The following CUL9 variants were observed in gnomAD, a reference collection of about 807,000 sequenced individuals.
CUL9 encodes cullin-9.
A neutral mutation model predicts 272.6 loss-of-function variants in CUL9; 79 were observed. The ratio of observed to expected loss-of-function variants is 0.29; its 90% CI spans 0.24 to 0.35. CUL9 has a LOEUF of 0.35. CUL9 is among the 10% of genes least tolerant of loss of function. The pLI is 1.00. For missense variants in CUL9, 2,532 were observed against 3,255.6 expected (o/e 0.78, Z 5.41); for synonymous variants, 1,186 against 1,286.5 (o/e 0.92, Z 1.67).
Position 43,220,351 on chromosome 6 carries a change from T to C in CUL9, c.6283-108T>C. On this transcript the variant is annotated intron_variant, in intron 31 of 40. Transcript: ENST00000252050. The surrounding 1 kb of genome is among the most constrained non-coding windows in gnomAD (Gnocchi z 4.9). ...GCAGGCTTGTTTCTGGCCTTCCACG[T>C]TGTAGTGGAGGGGAAGGGAAGGAGG... The C allele has an allele frequency of 7.9e-7, 1 of 1,269,156 alleles. No homozygotes were observed. The highest frequency in any genetic ancestry group is 1.1e-6 in the Non-Finnish European group (1 of 896,312). The allele number at this position is 1,269,156 out of a possible 1,614,324, so 78.6% of individuals were successfully genotyped here. A position where few individuals can be genotyped will look rare whatever the true frequency, so the allele number is the denominator to read the frequency against.
Position 43,221,250 on chromosome 6 carries a change from C to G in CUL9, c.6681C>G (p.His2227Gln). ...DGMSVEAQSK[H>Q]LAKLISKRCP... The stretch of plus-strand genomic sequence containing the variant: ...TGAGCGTGGAGGCGCAGAGCAAGCA[C>G]CTGGCCAAGCTCATCTCCAAGCGCT... Residue 2227 changes from histidine to glutamine, a missense_variant, in exon 34 of 41, where the codon CAC (histidine) becomes CAG (glutamine). This residue lies in a region of CUL9 where 77 missense variants were observed against 161.1 expected (regional missense o/e 0.48). Coordinates refer to ENST00000252050, the MANE Select transcript of CUL9 (RefSeq NM_015089.4). The surrounding 1 kb of genome is among the most constrained non-coding windows in gnomAD (Gnocchi z 4.2). 1 of 1,611,720 alleles carries G rather than the reference C, an allele frequency of 6.2e-7. No homozygotes were observed. Among genetic ancestry groups the G allele is most frequent in the Non-Finnish European group, 8.5e-7 (1 of 1,179,950 alleles).
Position 43,184,681 on chromosome 6 carries a change from G to T in CUL9, c.371G>T (p.Arg124Leu), listed in dbSNP as rs752791502. The T allele has an allele frequency of 1.9e-6, 3 of 1,612,584 alleles. No individual in the cohort carries two copies. Among genetic ancestry groups the T allele is most frequent in the East Asian group, 4.5e-5 (2 of 44,836 alleles). The change falls in exon 2 of 41, where the codon CGC becomes CTC. Residue 124 changes from arginine to leucine, a missense_variant. Physicochemically the swap from Arg to Leu is moderately radical, Grantham distance 102. This residue lies in a region of CUL9 where 2,218 missense variants were observed against 2,788.6 expected (regional missense o/e 0.80). Coordinates refer to ENST00000252050, the MANE Select transcript of CUL9 (RefSeq NM_015089.4). This position sits in a 1 kb window ranked among gnomAD's most constrained non-coding sequence, Gnocchi z 4.8. ...EMEADVQALV[R>L]RAARQLAESG... is the part of the protein sequence containing the mutation. Reference sequence around the variant, plus strand: ...GAGGCTGATGTTCAGGCGCTGGTACGCAGGGCGGCCAGGCAGCTGGCAGAA... The same window carrying T: ...GAGGCTGATGTTCAGGCGCTGGTACTCAGGGCGGCCAGGCAGCTGGCAGAA...
rs1774806094 is a variant in CUL9 at position 43,203,588 on chromosome 6, C to T, written c.4021C>T (p.Pro1341Ser). ...EDHRRLLQLC[P>S]RLNRVLRHEQ... is the part of the protein sequence containing the mutation. ...CCACCGGCGCCTCCTCCAGCTCTGTCCCAGGTGGGTGGGGCCTGAGGAGGG... is the reference window on the plus strand; with the variant it reads ...CCACCGGCGCCTCCTCCAGCTCTGTTCCAGGTGGGTGGGGCCTGAGGAGGG... Residue 1341 changes from proline to serine, a missense_variant, in exon 19 of 41, where the codon CCC (proline) becomes TCC (serine). By Grantham distance (74) the Pro-to-Ser change is moderately conservative (BLOSUM62 -1). Coordinates refer to ENST00000252050, the MANE Select transcript of CUL9 (RefSeq NM_015089.4). The surrounding 1 kb of genome is among the most constrained non-coding windows in gnomAD (Gnocchi z 5.0). 3 of 1,612,778 alleles carry T rather than the reference C, an allele frequency of 1.9e-6. No individual in the cohort carries two copies. The highest frequency in any genetic ancestry group is 2.5e-6 in the Non-Finnish European group (3 of 1,179,770).
chr6:43,223,981 G>C lies in CUL9; in HGVS notation c.7285-114G>C. ...TGTTTCATGAAGTGCTGTGCTGGGA[G>C]GGGAGCAGTCCTAGCAGGAGCTTGG... On this transcript the variant is annotated intron_variant, in intron 39 of 40. Coordinates refer to ENST00000252050, the MANE Select transcript of CUL9 (RefSeq NM_015089.4). The surrounding 1 kb of genome is among the most constrained non-coding windows in gnomAD (Gnocchi z 4.1). 1.0e-6 allele frequency: 1 copy of C among 955,654 alleles called. No individual in the cohort carries two copies. The highest frequency in any genetic ancestry group is 1.7e-6 in the Non-Finnish European group (1 of 586,960). 59.2% of individuals were successfully genotyped at this position (955,654 alleles called of 1,614,324 possible).
Position 43,184,319 on chromosome 6 carries a change from G to A in CUL9, c.9G>A (p.Gly3=). 5 of 1,517,318 alleles carry A rather than the reference G, an allele frequency of 3.3e-6. No individual in the cohort carries two copies. Among genetic ancestry groups the A allele is most frequent in the Non-Finnish European group, 3.5e-6 (4 of 1,128,326 alleles). 94.0% of individuals were successfully genotyped at this position (1,517,318 alleles called of 1,614,324 possible). A position where few individuals can be genotyped will look rare whatever the true frequency, so the allele number is the denominator to read the frequency against. The change falls in exon 2 of 41, where the codon GGG becomes GGA. Residue 3 remains glycine (G), a synonymous_variant. Coordinates refer to ENST00000252050, the MANE Select transcript of CUL9 (RefSeq NM_015089.4). This position sits in a 1 kb window ranked among gnomAD's most constrained non-coding sequence, Gnocchi z 4.8. MV[G]ERHAGDLMVP... Reference sequence around the variant, plus strand: ...TATCCCAGGAGGTCAGGATGGTGGGGGAACGGCATGCTGGGGACCTCATGG... The same window carrying A: ...TATCCCAGGAGGTCAGGATGGTGGGAGAACGGCATGCTGGGGACCTCATGG...
chr6:43,214,976 TA>T lies in CUL9; in HGVS notation c.5689-94del, dbSNP rs141257123. On this transcript the variant is annotated intron_variant, in intron 29 of 40. Transcript: ENST00000252050. The stretch of plus-strand genomic sequence containing the variant: ...TGGGTGACAGAGCAAGACTGTCTCT[TA>T]AAAAAAAAGGGGGGGAAAAATAAGT... The T allele has an allele frequency of 5.6e-3, 7,473 of 1,325,774 alleles. 211 individuals are homozygous for T. In the African/African-American group the frequency reaches 0.083, roughly 15 times the overall value. The allele number at this position is 1,325,774 out of a possible 1,614,324, so 82.1% of individuals were successfully genotyped here.
rs147818029 is a variant in CUL9 at position 43,186,093 on chromosome 6, C to A, written c.889C>A (p.Gln297Lys). 1,451 of 1,614,224 alleles carry A rather than the reference C, an allele frequency of 9.0e-4. 14 individuals are homozygous for A. The African/African-American group carries it at 0.017, about 18-fold the overall frequency. ...PCATREKSRG[Q>K]RELEFSMAVG... is the part of the protein sequence containing the mutation. ...TGCCACAAGAGAGAAAAGCCGGGGACAGCGGGAACTGGAGTTCAGCATGGC... is the reference window on the plus strand; with the variant it reads ...TGCCACAAGAGAGAAAAGCCGGGGAAAGCGGGAACTGGAGTTCAGCATGGC... The change falls in exon 4 of 41, where the codon CAG becomes AAG. Residue 297 changes from glutamine to lysine, a missense_variant. This residue lies in a region of CUL9 where 2,218 missense variants were observed against 2,788.6 expected (regional missense o/e 0.80). Coordinates refer to ENST00000252050, the MANE Select transcript of CUL9 (RefSeq NM_015089.4).
chr6:43,187,570 G>T, intron 6 of CUL9, 131 bp downstream of exon 6: 1 of 1,324,322 alleles, frequency 7.6e-7, no homozygotes. Flanking sequence ...GAGGAGTCCT[G>T]CTGGGGGTTG....
chr6:43,204,263 A>G, intron 20 of CUL9, 97 bp from the exon 21 acceptor site: 1 of 1,456,326 alleles, frequency 6.9e-7, no homozygotes, highest in South Asian at 1.2e-5. Context: ...CTACCCCTCA[A>G]GCCTTTTTGT....
chr6:43,216,862 G>C (rs1775983761), intron 31 of CUL9, among the ~76,000 whole-genome samples: 1 of 152,156 alleles, frequency 6.6e-6, no homozygotes, highest in African/African-American at 2.4e-5. Context: ...GCCTCCTCAC[G>C]GGATTCCCAT....
chr6:43,217,736 CTTAA>C lies in CUL9; in HGVS notation c.6282+1237_6282+1240del, dbSNP rs1776041309. On this transcript the variant is annotated intron_variant, in intron 31 of 40. Transcript: ENST00000252050. ...GCTTATGCTCCCTTTTCCCCAGGTTCTTAATTATTTCCTTTACACTTTCATTTTT... is the reference window on the plus strand; with the variant it reads ...GCTTATGCTCCCTTTTCCCCAGGTTCTTATTTCCTTTACACTTTCATTTTT... Among the ~76,000 whole-genome samples the C allele has an allele frequency of 1.3e-5, 2 of 152,130 alleles. 1 individual carries two copies. Among genetic ancestry groups the C allele is most frequent in the South Asian group, 4.1e-4 (2 of 4,830 alleles).
In CUL9 at chr6:43,223,867, T is replaced by C; in HGVS notation, c.7285-228T>C. 1.7e-6 allele frequency: 1 copy of C among 578,776 alleles called. No individual in the cohort carries two copies. Among genetic ancestry groups the C allele is most frequent in the South Asian group, 2.0e-5 (1 of 50,268 alleles). The allele number at this position is 578,776 out of a possible 1,614,324, so 35.9% of individuals were successfully genotyped here. On this transcript the variant is annotated intron_variant, in intron 39 of 40. Coordinates refer to ENST00000252050, the MANE Select transcript of CUL9 (RefSeq NM_015089.4). This position sits in a 1 kb window ranked among gnomAD's most constrained non-coding sequence, Gnocchi z 4.1. ...GTCACATGGGCAGAAAAGACATAGA[T>C]TCTGTAAGCTCTTTAAGCACAGGGT...
In CUL9 at chr6:43,220,915, G is replaced by T; in HGVS notation, c.6588+4G>T. 6.2e-7 allele frequency: 1 copy of T among 1,607,482 alleles called. No individual in the cohort carries two copies. ...CTTCAACTGTAGCTTCCCTGAGGTG[G>T]GAGCCCCACACTGGCCCTGACCCTG... On this transcript the variant is annotated splice_donor_region_variant and intron_variant, in intron 33 of 40. Transcript: ENST00000252050. This position sits in a 1 kb window ranked among gnomAD's most constrained non-coding sequence, Gnocchi z 4.9.
In CUL9 at chr6:43,220,771, T is replaced by A; in HGVS notation, c.6448T>A (p.Tyr2150Asn). 1.9e-6 allele frequency: 3 copies of A among 1,613,174 alleles called. No homozygotes were observed. The highest frequency in any genetic ancestry group is 2.5e-6 in the Non-Finnish European group (3 of 1,179,980). The change falls in exon 33 of 41, where the codon TAT becomes AAT. Residue 2150 changes from tyrosine (Y) to asparagine (N), a missense_variant. By Grantham distance (143) the Tyr-to-Asn change is moderately radical. This residue lies in a region of CUL9 where 2,218 missense variants were observed against 2,788.6 expected (regional missense o/e 0.80). Transcript: ENST00000252050. The surrounding 1 kb of genome is among the most constrained non-coding windows in gnomAD (Gnocchi z 4.9). ...GTATGAGAAGGCGCTCCTGCGTGGC[T>A]ATGTGGAGAGCTGCTCCAACCTGAC... ...SKYEKALLRG[Y>N]VESCSNLTWC... is the part of the protein sequence containing the mutation.
In CUL9 at chr6:43,200,402, C is replaced by T. The variant is rs1272077678; in HGVS notation, c.3385-34C>T. 5 of 1,613,962 alleles carry T rather than the reference C, an allele frequency of 3.1e-6. No homozygotes were observed. Among genetic ancestry groups the T allele is most frequent in the South Asian group, 2.2e-5 (2 of 91,080 alleles). ...GCATTTCTCTGTGTTCCTCCCTCTC[C>T]TCTTCCTCATTCTCCCTGATGTTCC... is the stretch of plus-strand genomic sequence containing the variant. On this transcript the variant is annotated intron_variant, in intron 14 of 40. Coordinates refer to ENST00000252050, the MANE Select transcript of CUL9 (RefSeq NM_015089.4). This position sits in a 1 kb window ranked among gnomAD's most constrained non-coding sequence, Gnocchi z 4.0.
intron 2 of CUL9, 126 bp from the exon 3 acceptor site, chr6:43,185,330 G>A (rs989363793): frequency 1.1e-6 from 1 of 908,218 alleles, no homozygotes; most frequent in Non-Finnish European, 1.7e-6. Context: ...CATGTAAAAT[G>A]TATTTCTTTC....
At chr6:43,205,927 A>G in intron 24 of CUL9, 80 bp from the exon 25 acceptor site, 2 of 1,243,024 alleles carry the variant, frequency 1.6e-6, no homozygotes, top group Non-Finnish European at 1.2e-6. Flanking sequence ...AGAGGGACAG[A>G]GGGACCTACA....
chr6:43,210,239 A>G (rs1258647910), intron 26 of CUL9, among the ~76,000 whole-genome samples: 2 of 152,070 alleles, frequency 1.3e-5, no homozygotes, highest in African/African-American at 4.8e-5. Flanking sequence ...GGCCTGCCAA[A>G]GTCTGGGACT....
chr6:43,188,466 T>G, intron 7 of CUL9, 57 bp from the exon 8 acceptor site: 1 of 1,494,152 alleles, frequency 6.7e-7, no homozygotes, highest in South Asian at 1.3e-5. Flanking sequence ...CTTTAAAGAC[T>G]TCTAACTTCA....
Sources: gnomAD v4.1 joint callset for allele counts (sites outside exome capture counted in the v4.1 genomes callset) on GRCh38, gnomAD v4.1.1 for gene constraint, gnomAD v4.1.1 regional missense constraint, Gnocchi (gnomAD v3.1) non-coding constraint, MANE v1.5 for transcripts, NCBI Gene and HGNC (gene_info 2026-07-23, HGNC 2026-07-21) for gene names.